The following SLC28A1 variants were observed in gnomAD, a reference collection of about 807,000 sequenced individuals.
The protein encoded by SLC28A1 is sodium/nucleoside cotransporter 1.
In SLC28A1, 64 loss-of-function variants were observed where a neutral mutation model predicts 74.8. The observed-to-expected ratio is 0.86, with a 90% CI of 0.70 to 1.05. SLC28A1 has a LOEUF of 1.05. SLC28A1 is among the 50% of genes least tolerant of loss of function. SLC28A1 has a pLI of 0.00. For synonymous variants in SLC28A1, 359 were observed against 335.0 expected (o/e 1.07, Z -0.78); for missense variants, 828 against 822.8 (o/e 1.01, Z -0.08).
chr15:84,923,750 G>T (rs932894939), intron 11 of SLC28A1, among the ~76,000 whole-genome samples: 13 of 152,272 alleles, frequency 8.5e-5, no homozygotes, highest in African/African-American at 2.9e-4. Context: ...CCTGGCACGT[G>T]GCAGGACATC....
chr15:84,917,953 T>A (rs141327006), intron 9 of SLC28A1, among the ~76,000 whole-genome samples: 1 of 152,186 alleles, frequency 6.6e-6, no homozygotes, highest in East Asian at 1.9e-4. Context: ...AGCCTGGTAC[T>A]AATAATAGGA....
At chr15:84,925,454 G>A (rs1970405128) in intron 12 of SLC28A1, among the ~76,000 whole-genome samples, 1 of 152,100 alleles carries the variant, frequency 6.6e-6, no homozygotes, top group Non-Finnish European at 1.5e-5. Flanking sequence ...CAAAAAAATA[G>A]CTGGCCGTGG....
intron 9 of SLC28A1, among the ~76,000 whole-genome samples, chr15:84,913,102 A>G (rs1968582806): frequency 6.6e-6 from 1 of 152,196 alleles, no homozygotes; most frequent in African/African-American, 2.4e-5. Flanking sequence ...GGAAATCAGG[A>G]GGCGTAGCTA....
chr15:84,964,052 T>A, the SLC28A1 span, among the ~76,000 whole-genome samples: 30 of 152,302 alleles, frequency 2.0e-4, no homozygotes, highest in African/African-American at 7.0e-4. Context: ...TCTGAACTTA[T>A]AAGTTGAGTT....
At position 84,895,145 on chromosome 15, in the gene SLC28A1, A is replaced by AGGGAG. The variant is rs535306456; in HGVS notation, c.461+24_461+25insGAGGG. ...AGAGGTGAGTGAGCTCACAGCCCCGAGGCAGGGCAGGGGAGGGCCCATGAG... is the reference window on the plus strand; with the variant it reads ...AGAGGTGAGTGAGCTCACAGCCCCGAGGGAGGGCAGGGCAGGGGAGGGCCCATGAG... On this transcript the variant is annotated intron_variant, in intron 6 of 18. Coordinates refer to ENST00000394573, the MANE Select transcript of SLC28A1 (RefSeq NM_004213.5). 237 of 1,613,134 alleles carry AGGGAG rather than the reference A, an allele frequency of 1.5e-4. 1 individual carries two copies. Among genetic ancestry groups the AGGGAG allele is most frequent in the South Asian group, 9.1e-4 (83 of 91,026 alleles).
intron 6 of SLC28A1, among the ~76,000 whole-genome samples, chr15:84,901,081 G>T (rs1680414051): frequency 6.6e-6 from 1 of 152,102 alleles, no homozygotes; most frequent in Non-Finnish European, 1.5e-5. Flanking sequence ...AATTAGCTGG[G>T]CGTAGTGGCG....
chr15:84,893,557 C>T (rs1407302750), intron 5 of SLC28A1, among the ~76,000 whole-genome samples: 1 of 126,698 alleles, frequency 7.9e-6, no homozygotes, highest in Non-Finnish European at 1.8e-5. Context: ...TCATCCCTTC[C>T]TCTGGGGGTC....
chr15:84,928,668 G>A (rs1266855386), intron 12 of SLC28A1, among the ~76,000 whole-genome samples: 1 of 144,368 alleles, frequency 6.9e-6, no homozygotes, highest in Admixed American at 7.1e-5. Context: ...CTGTCGCCCA[G>A]GCTGGAGTGC....
Position 84,904,178 on chromosome 15 carries a change from C to T in SLC28A1, c.543C>T (p.Ser181=). ...CCCAGCGGCCTGAGCAACTGGTGTC[C>T]TTCGCAGGAATCTGCGTGTTCGTCG... ...DTSQRPEQLV[S]FAGICVFVAL... Residue 181 remains serine (S), a synonymous_variant, in exon 7 of 19, where the codon TCC becomes TCT. Transcript: ENST00000394573. 1 of 1,614,214 alleles carries T rather than the reference C, an allele frequency of 6.2e-7. No individual in the cohort carries two copies. The highest frequency in any genetic ancestry group is 1.1e-5 in the South Asian group (1 of 91,086).
the SLC28A1 span, among the ~76,000 whole-genome samples, chr15:84,970,655 C>T: frequency 6.6e-6 from 1 of 151,992 alleles, no homozygotes; most frequent in Non-Finnish European, 1.5e-5. Flanking sequence ...TAGAGCAACT[C>T]GAGCATGGAA....
At chr15:84,969,667 A>G in the SLC28A1 span, among the ~76,000 whole-genome samples, 48 of 152,170 alleles carry the variant, frequency 3.2e-4, no homozygotes, top group African/African-American at 1.2e-3. Context: ...CAATACTGTA[A>G]TCTTTTGTAT....
At chr15:84,889,489 G>C (rs1256260379) in intron 4 of SLC28A1, among the ~76,000 whole-genome samples, 1 of 152,158 alleles carries the variant, frequency 6.6e-6, no homozygotes, top group Non-Finnish European at 1.5e-5. Context: ...GAGGTGGGAG[G>C]TGGGGACTGA....
chr15:84,894,263 T>A (rs951010017), intron 5 of SLC28A1, among the ~76,000 whole-genome samples: 4 of 151,098 alleles, frequency 2.6e-5, no homozygotes, highest in African/African-American at 7.3e-5. Flanking sequence ...TCCCAGCTAC[T>A]CGGGAGGCTG....
At chr15:84,936,112 C>T (rs1399774030) in intron 15 of SLC28A1, among the ~76,000 whole-genome samples, 16 of 151,248 alleles carry the variant, frequency 1.1e-4, no homozygotes, top group South Asian at 8.3e-4. Flanking sequence ...CCCACCACCG[C>T]GCCCGGCTAA....
rs533192733 is a variant in SLC28A1, at chr15:84,895,440, T to G, written c.461+317T>G. The G allele has an allele frequency of 7.4e-6, 12 of 1,613,730 alleles. No homozygotes were observed. In the Admixed American group the frequency reaches 1.7e-4, roughly 22 times the overall value. ...TACCTCCCTCAGATCACCTGGACAGTGTGAGACAAAAAGCCGCAGGGACCA... is the reference window on the plus strand; with the variant it reads ...TACCTCCCTCAGATCACCTGGACAGGGTGAGACAAAAAGCCGCAGGGACCA... On this transcript the variant is annotated intron_variant, in intron 6 of 18. Coordinates refer to ENST00000394573, the MANE Select transcript of SLC28A1 (RefSeq NM_004213.5).
At chr15:84,946,735 C>T (rs189642471), downstream of SLC28A1, among the ~76,000 whole-genome samples, 1 of 152,250 alleles carries the variant, frequency 6.6e-6, no homozygotes, top group Non-Finnish European at 1.5e-5. Context: ...GCTGCCTTTC[C>T]TCCCCACCCC....
the SLC28A1 span, among the ~76,000 whole-genome samples, chr15:84,970,449 G>A: frequency 1.3e-5 from 2 of 152,228 alleles, no homozygotes; most frequent in South Asian, 4.1e-4. Context: ...GGTCTATACA[G>A]GACAGGAAGA....
At chr15:84,971,752 C>T in the SLC28A1 span, among the ~76,000 whole-genome samples, 1 of 152,122 alleles carries the variant, frequency 6.6e-6, no homozygotes, top group East Asian at 1.9e-4. Flanking sequence ...CAGGCTCAAG[C>T]GATCCTCCCA....
At chr15:84,946,560 C>T (rs141132345), downstream of SLC28A1, among the ~76,000 whole-genome samples, 21 of 152,190 alleles carry the variant, frequency 1.4e-4, no homozygotes, top group Middle Eastern at 0.024. Flanking sequence ...AGCCAGGCCA[C>T]CTAGTTCTGG....
Sources: allele counts gnomAD v4.1 joint callset (sites outside exome capture counted in the v4.1 genomes callset), GRCh38; gene constraint gnomAD v4.1.1; transcripts MANE v1.5; gene names NCBI Gene and HGNC (gene_info 2026-07-23, HGNC 2026-07-21).